CDKAL1: variants seen among roughly 807,000 people sequenced by gnomAD.
CDKAL1 encodes threonylcarbamoyladenosine tRNA methylthiotransferase.
A neutral mutation model predicts 68.2 loss-of-function variants in CDKAL1; 32 were observed. The observed-to-expected ratio is 0.47, with a 90% CI of 0.35 to 0.63. The LOEUF is 0.63. Among genes scored for constraint, CDKAL1 ranks in the 30% least tolerant of loss-of-function variants. The pLI, the probability that CDKAL1 is intolerant of heterozygous loss-of-function variation, is 0.00. For missense variants in CDKAL1, 606 were observed against 696.7 expected (o/e 0.87, Z 1.47); for synonymous variants, 234 against 244.3 (o/e 0.96, Z 0.39).
intron 7 of CDKAL1, among the ~76,000 whole-genome samples, chr6:20,769,103 A>C (rs1774823519): frequency 6.6e-6 from 1 of 152,052 alleles, no homozygotes; most frequent in Admixed American, 6.6e-5. Context: ...CTCACCCAGG[A>C]CCATGTACGG....
intron 11 of CDKAL1, among the ~76,000 whole-genome samples, chr6:21,010,363 A>C (rs1158101322): frequency 6.6e-6 from 1 of 152,200 alleles, no homozygotes; most frequent in Non-Finnish European, 1.5e-5. Flanking sequence ...CAAAAACTTT[A>C]AGCCCTCATG....
At chr6:20,914,267 G>T (rs1040181659) in intron 9 of CDKAL1, among the ~76,000 whole-genome samples, 5 of 152,064 alleles carry the variant, frequency 3.3e-5, no homozygotes, top group African/African-American at 1.2e-4. Context: ...TCCCGCCTGG[G>T]TGACAGAGTG....
intron 5 of CDKAL1, among the ~76,000 whole-genome samples, chr6:20,669,002 C>A (rs140569281): frequency 3.3e-5 from 5 of 152,196 alleles, no homozygotes; most frequent in Non-Finnish European, 5.9e-5. Flanking sequence ...GTGTGTCATA[C>A]CAAGAAGATT....
intron 9 of CDKAL1, among the ~76,000 whole-genome samples, chr6:20,927,401 C>G (rs1763235709): frequency 6.6e-6 from 1 of 152,196 alleles, no homozygotes; most frequent in South Asian, 2.1e-4. Flanking sequence ...AGTCTTCATG[C>G]TTCAGCACCT....
At chr6:20,899,062 CTTTTTTTTT>C (rs149183099) in intron 9 of CDKAL1, among the ~76,000 whole-genome samples, 5 of 113,800 alleles carry the variant, frequency 4.4e-5, no homozygotes, top group Non-Finnish European at 9.0e-5. Context: ...TCTTCTAATT[CTTTTTTTTT>C]TTTTTTTTTT....
In CDKAL1 at chr6:20,864,233, GACTTA is replaced by G. The variant is rs1428818466; in HGVS notation, c.742+18066_742+18070del. ...GTAATGTTTTTACTTAACTGCAACTGACTTAACTTAACTTACTTAACTTAAAATGC... is the reference window on the plus strand; with the variant it reads ...GTAATGTTTTTACTTAACTGCAACTGACTTAACTTACTTAACTTAAAATGC... On this transcript the variant is annotated intron_variant, in intron 9 of 15. Transcript: ENST00000274695. Among the ~76,000 whole-genome samples the G allele has an allele frequency of 2.2e-3, 4 of 1,780 alleles. 1 individual carries two copies. The highest frequency in any genetic ancestry group is 4.5e-3 in the African/African-American group (2 of 446). The allele number at this position is 1,780 out of a possible 152,430, so 1.2% of individuals were successfully genotyped here.
intron 11 of CDKAL1, among the ~76,000 whole-genome samples, chr6:21,039,922 G>T (rs1252023148): frequency 1.3e-5 from 2 of 151,758 alleles, no homozygotes; most frequent in African/African-American, 4.8e-5. Flanking sequence ...AATTAGTGTA[G>T]TTTCAGTGGC....
rs112133815 is a variant in CDKAL1, at chr6:20,672,613, C to G, written c.371+23236C>G. Among the ~76,000 whole-genome samples, 1,252 of 152,240 alleles carry G rather than the reference C, an allele frequency of 8.2e-3. 20 individuals carry two copies. The highest frequency in any genetic ancestry group is 0.028 in the African/African-American group (1,170 of 41,524). ...CAAGTGATCTGCCCACCTGGGCCTC[C>G]CGCAGTGCTGGGATTACAGGTGTGA... On this transcript the variant is annotated intron_variant, in intron 5 of 15. Coordinates refer to ENST00000274695, the MANE Select transcript of CDKAL1 (RefSeq NM_017774.3).
intron 5 of CDKAL1, among the ~76,000 whole-genome samples, chr6:20,694,101 T>C (rs1416851557): frequency 6.6e-6 from 1 of 150,554 alleles, no homozygotes; most frequent in Non-Finnish European, 1.5e-5. Context: ...TGTATGTAGG[T>C]GGTTGGTATA....
chr6:21,090,111 C>T (rs1582175278), intron 12 of CDKAL1, among the ~76,000 whole-genome samples: 1 of 152,152 alleles, frequency 6.6e-6, no homozygotes, highest in East Asian at 1.9e-4. Flanking sequence ...AGTAAATAGA[C>T]ACCTGTTACC....
intron 13 of CDKAL1, among the ~76,000 whole-genome samples, chr6:21,177,664 C>CT (rs1206776350): frequency 1.4e-3 from 194 of 138,276 alleles, no homozygotes; most frequent in East Asian, 2.1e-3. Flanking sequence ...TTCCTCTGAT[C>CT]TTTTTTTTTT....
chr6:20,913,775 G>A (rs1176931479), intron 9 of CDKAL1, among the ~76,000 whole-genome samples: 2 of 152,190 alleles, frequency 1.3e-5, no homozygotes, highest in Non-Finnish European at 2.9e-5. Context: ...AAGGTCAGGA[G>A]TTCGAGACCA....
At chr6:20,619,437 C>T (rs1767078047) in intron 4 of CDKAL1, among the ~76,000 whole-genome samples, 1 of 152,152 alleles carries the variant, frequency 6.6e-6, no homozygotes, top group African/African-American at 2.4e-5. Flanking sequence ...TAGATTTAGT[C>T]ATTCTGCAAT....
At chr6:20,891,452 C>T (rs1454606686) in intron 9 of CDKAL1, among the ~76,000 whole-genome samples, 1 of 152,074 alleles carries the variant, frequency 6.6e-6, no homozygotes, top group Non-Finnish European at 1.5e-5. Context: ...CAACAGACGC[C>T]GGGTGGCCTG....
Position 21,159,004 on chromosome 6 carries a change from C to T in CDKAL1, c.1300-39017C>T, listed in dbSNP as rs371009252. Among the ~76,000 whole-genome samples, 10 of 151,518 alleles carry T rather than the reference C, an allele frequency of 6.6e-5. No homozygotes were observed. The East Asian group carries it at 1.7e-3, about 26-fold the overall frequency. On this transcript the variant is annotated intron_variant, in intron 13 of 15. Coordinates refer to ENST00000274695, the MANE Select transcript of CDKAL1 (RefSeq NM_017774.3). ...TGTGACAAAAGGTGCTTTCCAAATA[C>T]GTTTTTGTTTTGACCATTGTCAACA...
chr6:20,824,466 C>T (rs1777415108), intron 8 of CDKAL1, among the ~76,000 whole-genome samples: 1 of 152,044 alleles, frequency 6.6e-6, no homozygotes, highest in Non-Finnish European at 1.5e-5. Flanking sequence ...GAGATTCTTC[C>T]AAGCTCACAT....
intron 10 of CDKAL1, among the ~76,000 whole-genome samples, chr6:20,961,179 G>A (rs1765038760): frequency 6.6e-6 from 1 of 152,102 alleles, no homozygotes; most frequent in South Asian, 2.1e-4. Flanking sequence ...ACAAAGACAT[G>A]GAGTCAACTT....
At position 20,880,533 on chromosome 6, in the gene CDKAL1, G is replaced by T. The variant is rs1259622816; in HGVS notation, c.742+34355G>T. Among the ~76,000 whole-genome samples the T allele has an allele frequency of 2.0e-5, 3 of 152,128 alleles. No homozygotes were observed. In the East Asian group the frequency reaches 5.8e-4, roughly 29 times the overall value. ...GCCTCCCAAAGTGCTGAGATTACAG[G>T]CGTGAGCCACCGCGCCTGGCCAAGA... is the stretch of plus-strand genomic sequence containing the variant. On this transcript the variant is annotated intron_variant, in intron 9 of 15. Transcript: ENST00000274695.
chr6:20,845,965 A>C (rs1778359858), intron 8 of CDKAL1, 110 bp from the exon 9 acceptor site: 2 of 637,042 alleles, frequency 3.1e-6, no homozygotes, highest in Non-Finnish European at 5.4e-6. Context: ...TGTATAAACC[A>C]AGCAAATGTT....
Sources: allele counts gnomAD v4.1 joint callset (sites outside exome capture counted in the v4.1 genomes callset), GRCh38; gene constraint gnomAD v4.1.1; transcripts MANE v1.5; gene names NCBI Gene and HGNC (gene_info 2026-07-23, HGNC 2026-07-21).